Variants in DDX59 observed in about 807,000 individuals in gnomAD.
The protein encoded by DDX59 is probable ATP-dependent RNA helicase DDX59.
DDX59 carries 30 observed loss-of-function variants against 51.9 expected under a neutral mutation model. The ratio of observed to expected loss-of-function variants is 0.58; its 90% CI spans 0.43 to 0.78. The LOEUF is 0.78. DDX59 is among the 30% of genes least tolerant of loss of function. DDX59 has a pLI of 0.00. For missense variants in DDX59, 672 were observed against 730.8 expected, an observed-to-expected ratio of 0.92 and a Z score of 0.93; for synonymous variants, 255 against 253.3, an observed-to-expected ratio of 1.01 and a Z score of -0.06.
Position 200,666,047 on chromosome 1 carries a change from G to C in DDX59, c.694C>G (p.Gln232Glu), listed in dbSNP as rs746748385. The change falls in exon 2 of 8, where the codon CAG becomes GAG. Residue 232 changes from glutamine to glutamate, a missense_variant. By Grantham distance (29) the Gln-to-Glu change is conservative. Coordinates refer to ENST00000331314, the MANE Select transcript of DDX59 (RefSeq NM_001031725.6). The part of the protein sequence containing the change: ...GYEVPTPIQM[Q>E]MIPVGLLGRD... ...CCCAGAAGTCCCACAGGAATCATCT[G>C]CATTTGAATGGGAGTTGGCACCTCA... 12 of 1,614,074 alleles carry C rather than the reference G, an allele frequency of 7.4e-6. No homozygotes were observed. Among genetic ancestry groups the C allele is most frequent in the Admixed American group, 3.3e-5 (2 of 60,000 alleles).
intron 5 of DDX59, among the ~76,000 whole-genome samples, chr1:200,649,659 G>GA (rs1446660551): frequency 1.4e-5 from 2 of 144,598 alleles, no homozygotes; most frequent in Non-Finnish European, 3.0e-5. Context: ...AACACAAAAT[G>GA]AAAAAAAAGG....
chr1:200,642,710 A>G (rs1052525689), downstream of DDX59, among the ~76,000 whole-genome samples: 1 of 152,218 alleles, frequency 6.6e-6, no homozygotes, highest in African/African-American at 2.4e-5. Context: ...AAGGGCGCTG[A>G]TAGCCGGCTT....
At chr1:200,662,110 C>T (rs1662413875) in intron 3 of DDX59, among the ~76,000 whole-genome samples, 1 of 152,182 alleles carries the variant, frequency 6.6e-6, no homozygotes, top group East Asian at 1.9e-4. Flanking sequence ...GCTTCCTGTA[C>T]AGCCTGCAGA....
chr1:200,664,512 C>T (rs1662586123), intron 2 of DDX59, among the ~76,000 whole-genome samples: 1 of 152,300 alleles, frequency 6.6e-6, no homozygotes, highest in Non-Finnish European at 1.5e-5. Context: ...GTCCATATAA[C>T]TTACATATAT....
Position 200,666,409 on chromosome 1 carries a change from C to G in DDX59, c.332G>C (p.Cys111Ser). ...AEPGEPICVV[C>S]GRYGEYICDK... ...ACAGATATACTCTCCATAACGACCA[C>G]AGACAACACAGATGGGTTCCCCTGG... Residue 111 changes from cysteine (C) to serine (S), a missense_variant, in exon 2 of 8, where the codon TGT becomes TCT. Coordinates refer to ENST00000331314, the MANE Select transcript of DDX59 (RefSeq NM_001031725.6). 1.2e-6 allele frequency: 2 copies of G among 1,614,200 alleles called. No homozygotes were observed. Among genetic ancestry groups the G allele is most frequent in the Non-Finnish European group, 1.7e-6 (2 of 1,180,038 alleles).
At chr1:200,645,395 A>T (rs903089876) in intron 7 of DDX59, among the ~76,000 whole-genome samples, 1 of 152,102 alleles carries the variant, frequency 6.6e-6, no homozygotes, top group African/African-American at 2.4e-5. Flanking sequence ...TCTCTGCCTC[A>T]GCTTCCCAAG....
At chr1:200,662,831 T>C (rs954252249) in intron 3 of DDX59, among the ~76,000 whole-genome samples, 2 of 152,210 alleles carry the variant, frequency 1.3e-5, no homozygotes, top group Admixed American at 6.5e-5. Context: ...AACTTCAAAT[T>C]TGATGCCCAT....
chr1:200,665,128 ATTATT>A (rs1176541970), intron 2 of DDX59, among the ~76,000 whole-genome samples: 1 of 152,236 alleles, frequency 6.6e-6, no homozygotes, highest in African/African-American at 2.4e-5. Context: ...TATGGTAGTG[ATTATT>A]TTAAGATGAA....
At chr1:200,652,007 C>CAAA (rs71135375) in intron 4 of DDX59, among the ~76,000 whole-genome samples, 5 of 82,922 alleles carry the variant, frequency 6.0e-5, no homozygotes, top group Non-Finnish European at 1.0e-4. Flanking sequence ...GCCTCCGTCT[C>CAAA]AAAAAAAAAA....
At position 200,644,481 on chromosome 1, in the gene DDX59, C is replaced by T. The variant is rs180765822; in HGVS notation, c.1633G>A (p.Ala545Thr). Residue 545 changes from alanine (A) to threonine (T), a missense_variant, in exon 8 of 8, where the codon GCG (alanine) becomes ACG (threonine). Coordinates refer to ENST00000331314, the MANE Select transcript of DDX59 (RefSeq NM_001031725.6). The part of the protein sequence containing the change: ...RVGRLGQNGT[A>T]ITFINNNSKR... ...GAATTATTATTGATGAAAGTAATCG[C>T]TGTTCCATTTTGACCTAATCTTCCT... 1.1e-5 allele frequency: 18 copies of T among 1,597,932 alleles called. No individual in the cohort carries two copies. In the Admixed American group the frequency reaches 1.9e-4, roughly 17 times the overall value.
At chr1:200,655,890 G>A (rs1661989602) in intron 4 of DDX59, among the ~76,000 whole-genome samples, 1 of 151,874 alleles carries the variant, frequency 6.6e-6, no homozygotes, top group South Asian at 2.1e-4. Context: ...GAGTGCAATG[G>A]CACGATCTTG....
intron 1 of DDX59, among the ~76,000 whole-genome samples, chr1:200,667,731 A>C (rs1435602880): frequency 2.0e-5 from 3 of 152,200 alleles, no homozygotes; most frequent in Non-Finnish European, 2.9e-5. Flanking sequence ...CATAAGTAAC[A>C]CTTAGTGTTT....
intron 1 of DDX59, among the ~76,000 whole-genome samples, chr1:200,667,119 A>G (rs1021904268): frequency 6.7e-6 from 1 of 148,460 alleles, no homozygotes. Context: ...AAAATTTTTA[A>G]AAAGGCCAGG....
intron 3 of DDX59, among the ~76,000 whole-genome samples, chr1:200,659,849 C>A (rs1050305424): frequency 6.6e-6 from 1 of 152,060 alleles, no homozygotes; most frequent in Admixed American, 6.6e-5. Context: ...CCACACCTGG[C>A]TAATTTTTTG....
chr1:200,648,969 T>G, intron 6 of DDX59, 105 bp downstream of exon 6: 2 of 1,171,170 alleles, frequency 1.7e-6, no homozygotes, highest in Non-Finnish European at 2.3e-6. Flanking sequence ...CTTGTAGTCA[T>G]TAAAAGAGGA....
Position 200,648,443 on chromosome 1 carries a change from T to G in DDX59, c.1592A>C (p.His531Pro), listed in dbSNP as rs766119697. The G allele has an allele frequency of 6.2e-7, 1 of 1,613,948 alleles. No homozygotes were observed. Among genetic ancestry groups the G allele is most frequent in the South Asian group, 1.1e-5 (1 of 91,090 alleles). The change falls in exon 7 of 8, where the codon CAT becomes CCT. Residue 531 changes from histidine to proline, a missense_variant. Transcript: ENST00000331314. ...GTAACATATAAAGCTCCTTACCTGA[T>G]GGACATACTCATCCATACTTGAAGG... The part of the protein sequence containing the change: ...DMPSSMDEYV[H>P]QIGRVGRLGQ...
At chr1:200,650,914 T>C (rs1367538507) in intron 4 of DDX59, among the ~76,000 whole-genome samples, 1 of 152,194 alleles carries the variant, frequency 6.6e-6, no homozygotes, top group Non-Finnish European at 1.5e-5. Flanking sequence ...AGCAAAAAGC[T>C]ATATACATTC....
chr1:200,656,463 C>T (rs950462427), intron 4 of DDX59, among the ~76,000 whole-genome samples: 2 of 152,172 alleles, frequency 1.3e-5, no homozygotes, highest in African/African-American at 4.8e-5. Flanking sequence ...CTATTCAGAA[C>T]TTCTCTGTGA....
chr1:200,668,312 A>C (rs1221776256), intron 1 of DDX59, among the ~76,000 whole-genome samples: 1 of 151,866 alleles, frequency 6.6e-6, no homozygotes, highest in Non-Finnish European at 1.5e-5. Context: ...CGTCTCAAAA[A>C]AAAAAAAAAA....
Sources: gnomAD v4.1 joint callset for allele counts (sites outside exome capture counted in the v4.1 genomes callset) on GRCh38, gnomAD v4.1.1 for gene constraint, MANE v1.5 for transcripts, NCBI Gene and HGNC (gene_info 2026-07-23, HGNC 2026-07-21) for gene names.